The following TRERF1 variants were observed in gnomAD, a reference collection of about 807,000 sequenced individuals.
TRERF1 encodes transcriptional-regulating factor 1.
In TRERF1, 27 loss-of-function variants were observed where a neutral mutation model predicts 122.9. The ratio of observed to expected loss-of-function variants is 0.22; its 90% CI spans 0.16 to 0.30. The LOEUF (loss-of-function observed/expected upper bound fraction) is 0.30, where lower values mean the gene tolerates loss of function less well. TRERF1 is among the 10% of genes least tolerant of loss of function. The pLI is 1.00. For synonymous variants in TRERF1, 636 were observed against 641.7 expected, an observed-to-expected ratio of 0.99 and a Z score of 0.13; for missense variants, 1,248 against 1,560.3, an observed-to-expected ratio of 0.80 and a Z score of 3.37.
chr6:42,282,872 T>C (rs1782536625), intron 4 of TRERF1, among the ~76,000 whole-genome samples: 1 of 152,184 alleles, frequency 6.6e-6, no homozygotes, highest in Non-Finnish European at 1.5e-5. Flanking sequence ...GGTTGCAACA[T>C]TTTTGTCAAC....
intron 2 of TRERF1, among the ~76,000 whole-genome samples, chr6:42,399,918 T>C (rs1447599454): frequency 6.6e-6 from 1 of 151,888 alleles, no homozygotes; most frequent in Non-Finnish European, 1.5e-5. Flanking sequence ...TTGCCCACCA[T>C]TAATCCACAC....
At chr6:42,370,550 A>G (rs1773581445) in intron 2 of TRERF1, among the ~76,000 whole-genome samples, 3 of 152,222 alleles carry the variant, frequency 2.0e-5, no homozygotes, top group Non-Finnish European at 4.4e-5. Context: ...AACAAAAACC[A>G]TGAACCAAGG....
chr6:42,307,441 T>C (rs551964881), intron 3 of TRERF1, among the ~76,000 whole-genome samples: 54 of 152,306 alleles, frequency 3.5e-4, no homozygotes, highest in African/African-American at 1.3e-3. Context: ...CCCAGCTCTA[T>C]ATTACACAGT....
At chr6:42,420,448 G>C (rs1208063409) in intron 2 of TRERF1, among the ~76,000 whole-genome samples, 2 of 152,146 alleles carry the variant, frequency 1.3e-5, no homozygotes, top group Non-Finnish European at 2.9e-5. Flanking sequence ...AGGAGGAACA[G>C]AATGCTGCCG....
chr6:42,365,120 G>A (rs561947193), intron 2 of TRERF1, among the ~76,000 whole-genome samples: 1 of 152,288 alleles, frequency 6.6e-6, no homozygotes, highest in East Asian at 1.9e-4. Context: ...GGGCAGACAG[G>A]AGAGGAGGCT....
At chr6:42,365,992 TC>T (rs1223567834) in intron 2 of TRERF1, among the ~76,000 whole-genome samples, 6 of 152,174 alleles carry the variant, frequency 3.9e-5, no homozygotes, top group Non-Finnish European at 8.8e-5. Context: ...CAATCTTGTT[TC>T]CCATGCGTAC....
intron 2 of TRERF1, among the ~76,000 whole-genome samples, chr6:42,374,945 A>T (rs1399373307): frequency 7.2e-6 from 1 of 138,942 alleles, no homozygotes; most frequent in Non-Finnish European, 1.5e-5. Context: ...TGGGAGATGG[A>T]GGTTGTAGTG....
At chr6:42,434,668 CCACACACACACA>C (rs3075920) in intron 2 of TRERF1, among the ~76,000 whole-genome samples, 3 of 114,896 alleles carry the variant, frequency 2.6e-5, no homozygotes, top group Admixed American at 9.0e-5. Flanking sequence ...ACACCCTCCA[CCACACACACACA>C]CACACACACA....
At chr6:42,283,876 A>G (rs905965286) in intron 4 of TRERF1, among the ~76,000 whole-genome samples, 7 of 152,144 alleles carry the variant, frequency 4.6e-5, no homozygotes, top group Non-Finnish European at 7.4e-5. Context: ...TCGACCTCCC[A>G]AAGTGCTGGG....
chr6:42,355,817 G>A (rs1770433749), intron 3 of TRERF1, among the ~76,000 whole-genome samples: 1 of 152,196 alleles, frequency 6.6e-6, no homozygotes. Context: ...CATGAAAAGG[G>A]AGTAAATGCC....
At chr6:42,377,447 A>C (rs1775109807) in intron 2 of TRERF1, among the ~76,000 whole-genome samples, 1 of 152,204 alleles carries the variant, frequency 6.6e-6, no homozygotes, top group South Asian at 2.1e-4. Context: ...GGCTTCTTTC[A>C]CTCAGCATAA....
At chr6:42,348,814 G>T (rs1285205165) in intron 3 of TRERF1, among the ~76,000 whole-genome samples, 2 of 152,118 alleles carry the variant, frequency 1.3e-5, no homozygotes, top group African/African-American at 4.8e-5. Context: ...GAAGAACACT[G>T]CAATGGTGCT....
intron 2 of TRERF1, among the ~76,000 whole-genome samples, chr6:42,369,917 T>C (rs1365385792): frequency 6.6e-6 from 1 of 152,216 alleles, no homozygotes; most frequent in Non-Finnish European, 1.5e-5. Context: ...AAGTCTCTTC[T>C]GTAACCACAA....
chr6:42,371,512 A>G (rs9471846), intron 2 of TRERF1, among the ~76,000 whole-genome samples: 35,722 of 152,120 alleles, frequency 0.23, 8,788 homozygotes, highest in African/African-American at 0.62. Context: ...TCCCGAGGCC[A>G]AGAGACCTGA....
chr6:42,321,825 A>T (rs892576889), intron 3 of TRERF1, among the ~76,000 whole-genome samples: 5 of 152,274 alleles, frequency 3.3e-5, no homozygotes, highest in Non-Finnish European at 5.9e-5. Flanking sequence ...GCCTAAAAAA[A>T]AATCACTAGG....
intron 2 of TRERF1, among the ~76,000 whole-genome samples, chr6:42,417,190 A>C (rs1421022503): frequency 6.6e-6 from 1 of 151,970 alleles, no homozygotes; most frequent in Non-Finnish European, 1.5e-5. Flanking sequence ...CCCCATCTCC[A>C]ATGCCATCAG....
intron 13 of TRERF1, among the ~76,000 whole-genome samples, chr6:42,249,359 A>G (rs1775349282): frequency 6.6e-6 from 1 of 152,168 alleles, no homozygotes; most frequent in Non-Finnish European, 1.5e-5. Context: ...TCTACCCACC[A>G]GGCTCATTAC....
intron 2 of TRERF1, among the ~76,000 whole-genome samples, chr6:42,410,633 C>G (rs565304526): frequency 1.3e-5 from 2 of 152,220 alleles, no homozygotes; most frequent in South Asian, 4.2e-4. Context: ...GCTCCTCAGT[C>G]CCCCCTCCCT....
intron 2 of TRERF1, among the ~76,000 whole-genome samples, chr6:42,386,392 G>A (rs1776821656): frequency 1.3e-5 from 2 of 152,078 alleles, no homozygotes; most frequent in African/African-American, 2.4e-5. Context: ...GCAGTGAGCC[G>A]AGATCACGCC....
Sources: gnomAD v4.1 joint callset for allele counts (sites outside exome capture counted in the v4.1 genomes callset) on GRCh38, gnomAD v4.1.1 for gene constraint, MANE v1.5 for transcripts, NCBI Gene and HGNC (gene_info 2026-07-23, HGNC 2026-07-21) for gene names.